GPC6: variants seen among roughly 807,000 people sequenced by gnomAD.
GPC6 encodes glypican 6.
GPC6 carries 14 observed loss-of-function variants against 55.2 expected under a neutral mutation model. The ratio of observed to expected loss-of-function variants is 0.25; its 90% CI spans 0.17 to 0.40. The LOEUF (loss-of-function observed/expected upper bound fraction) is 0.40, where lower values mean the gene tolerates loss of function less well. Ranked by LOEUF, GPC6 falls within the 10% of genes least tolerant of loss-of-function variation. The pLI is 1.00. For missense variants in GPC6, 641 were observed against 708.5 expected (o/e 0.90, Z 1.08); for synonymous variants, 278 against 259.6 (o/e 1.07, Z -0.68).
At chr13:93,564,821 C>T (rs1333752907) in intron 2 of GPC6, among the ~76,000 whole-genome samples, 1 of 152,106 alleles carries the variant, frequency 6.6e-6, no homozygotes, top group Non-Finnish European at 1.5e-5. Flanking sequence ...CTAAAACAGA[C>T]CTCTTAGGAA....
At chr13:93,965,272 A>G (rs756942287) in intron 3 of GPC6, among the ~76,000 whole-genome samples, 2 of 151,764 alleles carry the variant, frequency 1.3e-5, no homozygotes, top group Non-Finnish European at 2.9e-5. Context: ...TTAGCCGGGC[A>G]TGGTGGCAGA....
At chr13:93,217,872 T>C in the GPC6 span, among the ~76,000 whole-genome samples, 3 of 152,162 alleles carry the variant, frequency 2.0e-5, no homozygotes, top group African/African-American at 4.8e-5. Flanking sequence ...CTCTAATGGC[T>C]CTATGACTAG....
At chr13:93,268,392 A>G (rs1335741792) in intron 1 of GPC6, among the ~76,000 whole-genome samples, 1 of 152,232 alleles carries the variant, frequency 6.6e-6, no homozygotes, top group African/African-American at 2.4e-5. Context: ...AATAATCTCC[A>G]TTTAGAATAT....
chr13:93,967,450 G>T lies in GPC6; in HGVS notation c.712-60279G>T, dbSNP rs563861396. ...CTTACATATTGGAAATGATTTGTTT[G>T]CCATTCCTACATGCTCATATTTGCT... On this transcript the variant is annotated intron_variant, in intron 3 of 8. Transcript: ENST00000377047. Among the ~76,000 whole-genome samples the T allele has an allele frequency of 9.9e-4, 151 of 152,276 alleles. 1 individual carries two copies. Among genetic ancestry groups the T allele is most frequent in the Admixed American group, 2.2e-3 (33 of 15,290 alleles).
At chr13:93,877,110 T>C (rs550629275) in intron 3 of GPC6, among the ~76,000 whole-genome samples, 3 of 152,170 alleles carry the variant, frequency 2.0e-5, no homozygotes, top group Admixed American at 6.6e-5. Flanking sequence ...CCCTAAGCAG[T>C]AGAAATATAT....
chr13:93,458,301 A>G (rs962872054), intron 1 of GPC6, among the ~76,000 whole-genome samples: 2 of 152,076 alleles, frequency 1.3e-5, no homozygotes, highest in African/African-American at 2.4e-5. Context: ...CCTTGTGAAA[A>G]TGTCCTCCCC....
chr13:93,619,541 C>T (rs1185218479), intron 2 of GPC6, among the ~76,000 whole-genome samples: 2 of 152,078 alleles, frequency 1.3e-5, no homozygotes, highest in Admixed American at 1.3e-4. Context: ...TAACCTTCAA[C>T]TCTGGACTCA....
intron 6 of GPC6, among the ~76,000 whole-genome samples, chr13:94,326,205 GCACACACACA>G (rs3138573): frequency 2.3e-4 from 34 of 147,892 alleles, no homozygotes; most frequent in African/African-American, 5.7e-4. Context: ...GTATGCTTGT[GCACACACACA>G]CACACACACA....
intron 1 of GPC6, among the ~76,000 whole-genome samples, chr13:93,408,615 A>C (rs1057370009): frequency 1.3e-5 from 2 of 152,198 alleles, no homozygotes; most frequent in African/African-American, 4.8e-5. Context: ...TAGCATGATT[A>C]AATTGGAAAC....
intron 4 of GPC6, among the ~76,000 whole-genome samples, chr13:94,192,528 A>G (rs1889431581): frequency 6.6e-6 from 1 of 152,226 alleles, no homozygotes; most frequent in African/African-American, 2.4e-5. Flanking sequence ...TCTCCCCTAA[A>G]GATTAGTCAA....
intron 1 of GPC6, among the ~76,000 whole-genome samples, chr13:93,239,656 A>G (rs779596801): frequency 3.4e-5 from 5 of 146,800 alleles, no homozygotes; most frequent in Middle Eastern, 3.3e-3. Context: ...GATATTTGTT[A>G]TTTCTTTTCT....
At chr13:93,666,773 C>T (rs911530910) in intron 2 of GPC6, among the ~76,000 whole-genome samples, 1 of 152,012 alleles carries the variant, frequency 6.6e-6, no homozygotes, top group Non-Finnish European at 1.5e-5. Flanking sequence ...GGATGTACGC[C>T]ATCAACAATA....
chr13:93,731,209 C>T (rs1215853786), intron 2 of GPC6, among the ~76,000 whole-genome samples: 1 of 152,074 alleles, frequency 6.6e-6, no homozygotes, highest in African/African-American at 2.4e-5. Flanking sequence ...AGTGCTAGGA[C>T]CAGTTGACAA....
chr13:93,297,026 G>T (rs981280636), intron 1 of GPC6, among the ~76,000 whole-genome samples: 2 of 152,184 alleles, frequency 1.3e-5, no homozygotes, highest in African/African-American at 4.8e-5. Context: ...GTAGGCTGGA[G>T]TTAGACAGTG....
At chr13:94,000,219 C>T (rs968628706) in intron 3 of GPC6, among the ~76,000 whole-genome samples, 11 of 152,172 alleles carry the variant, frequency 7.2e-5, no homozygotes, top group Admixed American at 2.0e-4. Context: ...TGAGAGATCC[C>T]AGTCTCTGTA....
chr13:93,287,848 AT>A (rs1878187158), intron 1 of GPC6, among the ~76,000 whole-genome samples: 1 of 152,162 alleles, frequency 6.6e-6, no homozygotes, highest in Non-Finnish European at 1.5e-5. Context: ...TTTTAAGGAA[AT>A]TATGTTTTTT....
At chr13:93,724,439 A>C (rs957529485) in intron 2 of GPC6, among the ~76,000 whole-genome samples, 1 of 152,038 alleles carries the variant, frequency 6.6e-6, no homozygotes, top group Non-Finnish European at 1.5e-5. Flanking sequence ...CTTCTATCTT[A>C]TACTTTCTCG....
At chr13:93,423,015 T>C (rs776567587) in intron 1 of GPC6, among the ~76,000 whole-genome samples, 3 of 151,922 alleles carry the variant, frequency 2.0e-5, no homozygotes, top group Admixed American at 6.6e-5. Context: ...GGAGTCAGCA[T>C]TGGGTAGTGG....
At chr13:93,385,004 T>C (rs1875336940) in intron 1 of GPC6, among the ~76,000 whole-genome samples, 1 of 152,056 alleles carries the variant, frequency 6.6e-6, no homozygotes, top group South Asian at 2.1e-4. Flanking sequence ...GAGAGACCAG[T>C]AGAAGGGAAT....
Sources: allele counts gnomAD v4.1 joint callset (sites outside exome capture counted in the v4.1 genomes callset), GRCh38; gene constraint gnomAD v4.1.1; transcripts MANE v1.5; gene names NCBI Gene and HGNC (gene_info 2026-07-23, HGNC 2026-07-21).